The following ZBBX variants were observed in gnomAD, a reference collection of about 807,000 sequenced individuals.
The protein encoded by ZBBX is zinc finger B-box domain-containing protein 1.
A neutral mutation model predicts 108.5 loss-of-function variants in ZBBX; 101 were observed. That is an observed-to-expected ratio of 0.93 (90% confidence interval 0.79 to 1.10). The LOEUF is 1.10. Among genes scored for constraint, ZBBX ranks in the 50% least tolerant of loss-of-function variants. The probability of loss-of-function intolerance (pLI) is 0.00; values close to 1 mark genes in which losing one functional copy is unlikely to be tolerated. For synonymous variants in ZBBX, 356 were observed against 323.4 expected, an observed-to-expected ratio of 1.10 and a Z score of -1.08; for missense variants, 1,009 against 941.4, an observed-to-expected ratio of 1.07 and a Z score of -0.94.
At chr3:167,269,233 C>A (rs4955778) in intron 20 of ZBBX, among the ~76,000 whole-genome samples, 38,846 of 152,082 alleles carry the variant, frequency 0.26, 6,170 homozygotes, top group East Asian at 0.65. Context: ...GCCGCTCGCT[C>A]CTCTGTTTCC....
intron 20 of ZBBX, among the ~76,000 whole-genome samples, chr3:167,255,149 T>C (rs1271256072): frequency 6.6e-6 from 1 of 152,022 alleles, no homozygotes; most frequent in African/African-American, 2.4e-5. Flanking sequence ...AATTATATGA[T>C]AATTAAACTG....
intron 9 of ZBBX, among the ~76,000 whole-genome samples, chr3:167,348,230 G>GGTGGA (rs1741852907): frequency 7.4e-6 from 1 of 134,950 alleles, no homozygotes. Context: ...AGGGAGGGAG[G>GGTGGA]AGGGAAGGAA....
At chr3:167,298,194 T>C in intron 18 of ZBBX, 111 bp downstream of exon 18, 1 of 808,214 alleles carries the variant, frequency 1.2e-6, no homozygotes, top group Non-Finnish European at 1.8e-6. Context: ...TAATACAAGG[T>C]TAATAATTTT....
In ZBBX at chr3:167,363,394, A is replaced by C. The variant is rs115729647; in HGVS notation, c.273+2492T>G. 5.2e-3 allele frequency among the ~76,000 whole-genome samples: 797 copies of C among 152,188 alleles called. 5 individuals are homozygous for C. The highest frequency in any genetic ancestry group is 0.018 in the African/African-American group (761 of 41,536). ...GATATTGTCTTCAACTGTCCTAAGA[A>C]AGTTGAGGTCTTCCCATTAAAATCT... On this transcript the variant is annotated intron_variant, in intron 6 of 21. Transcript: ENST00000675490.
the ZBBX span, among the ~76,000 whole-genome samples, chr3:167,187,316 C>T: frequency 3.3e-3 from 508 of 152,252 alleles, 4 homozygotes; most frequent in Admixed American, 6.5e-3. Flanking sequence ...GGTGGTTCTA[C>T]GTGAGAATTT....
chr3:167,312,595 T>G (rs1458938639), intron 16 of ZBBX, among the ~76,000 whole-genome samples: 1 of 152,154 alleles, frequency 6.6e-6, no homozygotes, highest in Non-Finnish European at 1.5e-5. Context: ...AACCTAAAAC[T>G]GCTCTAAAAA....
the ZBBX span, among the ~76,000 whole-genome samples, chr3:167,201,922 G>A: frequency 2.0e-5 from 3 of 152,066 alleles, no homozygotes; most frequent in Non-Finnish European, 4.4e-5. Context: ...CATCTAAACA[G>A]ACCACCAATG....
chr3:167,294,322 CA>C (rs1731251344), intron 18 of ZBBX, among the ~76,000 whole-genome samples: 1 of 152,258 alleles, frequency 6.6e-6, no homozygotes, highest in South Asian at 2.1e-4. Flanking sequence ...TAACCCAAAA[CA>C]GCATTGTACT....
At chr3:167,243,950 A>G (rs2108318018) in intron 20 of ZBBX, among the ~76,000 whole-genome samples, 1 of 152,154 alleles carries the variant, frequency 6.6e-6, no homozygotes, top group South Asian at 2.1e-4. Flanking sequence ...TAAGCTTAGG[A>G]TTTGGTTCCT....
intron 1 of ZBBX, among the ~76,000 whole-genome samples, chr3:167,407,394 T>C (rs1313007586): frequency 1.3e-5 from 2 of 152,120 alleles, no homozygotes; most frequent in Non-Finnish European, 2.9e-5. Flanking sequence ...CAATACTGTT[T>C]GCAAAAACTG....
intron 17 of ZBBX, among the ~76,000 whole-genome samples, chr3:167,298,740 C>T (rs1478349115): frequency 1.3e-5 from 2 of 152,046 alleles, no homozygotes; most frequent in Non-Finnish European, 2.9e-5. Flanking sequence ...TATTTTCATC[C>T]CTCAGTGTCT....
chr3:167,310,367 T>G (rs1174330146), intron 16 of ZBBX, among the ~76,000 whole-genome samples: 5 of 152,202 alleles, frequency 3.3e-5, no homozygotes, highest in Non-Finnish European at 4.4e-5. Context: ...TAAAGTCACT[T>G]CCACATTTTC....
At chr3:167,297,723 G>T (rs1429981565) in intron 18 of ZBBX, among the ~76,000 whole-genome samples, 1 of 151,602 alleles carries the variant, frequency 6.6e-6, no homozygotes, top group Non-Finnish European at 1.5e-5. Flanking sequence ...AAGAGCTAAG[G>T]AATTGAATAG....
chr3:167,407,805 C>T (rs1013197844), exon 1 of ZBBX, among the ~76,000 whole-genome samples: 15 of 152,074 alleles, frequency 9.9e-5, no homozygotes, highest in South Asian at 4.2e-4. Flanking sequence ...AAGCAAATCT[C>T]ACGCAGTCGA....
chr3:167,327,200 C>T (rs1737552416), intron 11 of ZBBX, among the ~76,000 whole-genome samples: 1 of 150,790 alleles, frequency 6.6e-6, no homozygotes, highest in South Asian at 2.1e-4. Flanking sequence ...GAACGCAAAT[C>T]AATTCTCCTC....
At chr3:167,194,317 C>A in the ZBBX span, among the ~76,000 whole-genome samples, 3 of 151,416 alleles carry the variant, frequency 2.0e-5, no homozygotes, top group Non-Finnish European at 4.4e-5. Context: ...ACTTGCATCT[C>A]CCCTTGGAAT....
chr3:167,304,407 C>T (rs541409614), intron 17 of ZBBX, among the ~76,000 whole-genome samples: 1 of 152,262 alleles, frequency 6.6e-6, no homozygotes, highest in South Asian at 2.1e-4. Context: ...TGCTGAAATG[C>T]ATGCTATGAT....
At chr3:167,367,978 AT>A (rs1471006949) in intron 5 of ZBBX, among the ~76,000 whole-genome samples, 14 of 18,584 alleles carry the variant, frequency 7.5e-4, no homozygotes, top group African/African-American at 2.1e-3. Context: ...GTATATATAT[AT>A]ATATATATAC....
chr3:167,367,712 G>A (rs1296020521), intron 5 of ZBBX, among the ~76,000 whole-genome samples: 2 of 151,208 alleles, frequency 1.3e-5, no homozygotes, highest in African/African-American at 2.4e-5. Flanking sequence ...AAAATTTTTA[G>A]TCATTAAAAT....
Sources: gnomAD v4.1 joint callset for allele counts (sites outside exome capture counted in the v4.1 genomes callset) on GRCh38, gnomAD v4.1.1 for gene constraint, MANE v1.5 for transcripts, NCBI Gene and HGNC (gene_info 2026-07-23, HGNC 2026-07-21) for gene names.